The following ARL6IP6 variants were observed in gnomAD, a reference collection of about 807,000 sequenced individuals.
ARL6IP6 encodes ARF like GTPase 6 interacting protein 6, also known as ADP-ribosylation factor-like protein 6-interacting protein 6.
A neutral mutation model predicts 21.5 loss-of-function variants in ARL6IP6; 22 were observed. That is an observed-to-expected ratio of 1.02 (90% CI 0.73 to 1.46). The LOEUF is 1.46. ARL6IP6 is among the 40% of genes most tolerant of loss of function. The pLI is 0.00. For missense variants in ARL6IP6, 388 were observed against 299.8 expected (o/e 1.29, Z -2.17); for synonymous variants, 164 against 125.3 (o/e 1.31, Z -2.06).
At chr2:152,736,330 T>C (rs1181380935) in intron 3 of ARL6IP6, among the ~76,000 whole-genome samples, 1 of 152,226 alleles carries the variant, frequency 6.6e-6, no homozygotes, top group Non-Finnish European at 1.5e-5. Flanking sequence ...CTTTTATTTA[T>C]ATCTCACTTC....
At chr2:152,752,920 G>A (rs2105181767) in intron 3 of ARL6IP6, among the ~76,000 whole-genome samples, 1 of 152,058 alleles carries the variant, frequency 6.6e-6, no homozygotes, top group East Asian at 1.9e-4. Context: ...TAGGAAATTG[G>A]CCTTAGATTC....
chr2:152,738,143 A>G (rs373525921), intron 3 of ARL6IP6, among the ~76,000 whole-genome samples: 2 of 152,212 alleles, frequency 1.3e-5, no homozygotes, highest in South Asian at 2.1e-4. Flanking sequence ...TAAAGCTCCA[A>G]AATGATCTCC....
At chr2:152,748,443 CT>C (rs1213653605) in intron 3 of ARL6IP6, among the ~76,000 whole-genome samples, 7 of 152,116 alleles carry the variant, frequency 4.6e-5, no homozygotes, top group Non-Finnish European at 7.4e-5. Context: ...AGATAAAGAA[CT>C]AACTGATAGT....
chr2:152,755,696 TG>T (rs921380480), intron 3 of ARL6IP6, among the ~76,000 whole-genome samples: 2 of 152,194 alleles, frequency 1.3e-5, no homozygotes, highest in African/African-American at 4.8e-5. Flanking sequence ...CCTTTTGCTT[TG>T]TATCCAATAA....
intron 2 of ARL6IP6, 45 bp downstream of exon 2, chr2:152,720,631 G>A (rs1471701696): frequency 2.0e-6 from 3 of 1,534,868 alleles, no homozygotes; most frequent in South Asian, 1.1e-5. Flanking sequence ...GCTCACGTTT[G>A]TGTTTCTAGA....
Position 152,723,614 on chromosome 2 carries a change from A to T in ARL6IP6, c.454+3028A>T, listed in dbSNP as rs113067555. On this transcript the variant is annotated intron_variant, in intron 2 of 3. Coordinates refer to ENST00000326446, the MANE Select transcript of ARL6IP6 (RefSeq NM_152522.7). ...CTAGACAGACTGACAAAAATTTTGT[A>T]CACTGCAGAATTTAATTGCAATTTA... Among the ~76,000 whole-genome samples, 899 of 152,326 alleles carry T rather than the reference A, an allele frequency of 5.9e-3. 13 individuals carry two copies. The highest frequency in any genetic ancestry group is 0.02 in the African/African-American group (832 of 41,564).
chr2:152,733,382 A>G (rs973667939), intron 2 of ARL6IP6, among the ~76,000 whole-genome samples: 1 of 152,114 alleles, frequency 6.6e-6, no homozygotes, highest in Non-Finnish European at 1.5e-5. Context: ...CTCCTGCCTC[A>G]GTCTCCCAAG....
In ARL6IP6 at chr2:152,720,637, C is replaced by T. The variant is rs140585432; in HGVS notation, c.454+51C>T. 53 of 1,507,910 alleles carry T rather than the reference C, an allele frequency of 3.5e-5. No individual in the cohort carries two copies. The African/African-American group carries it at 3.9e-4, about 11-fold the overall frequency. The allele number at this position is 1,507,910 out of a possible 1,614,324, so 93.4% of individuals were successfully genotyped here. A position where few individuals can be genotyped will look rare whatever the true frequency, so the allele number is the denominator to read the frequency against. ...TGGTTTTGAGCTCACGTTTGTGTTT[C>T]TAGATCATGTTTGAACTAACTCTGG... On this transcript the variant is annotated intron_variant, in intron 2 of 3. Transcript: ENST00000326446.
chr2:152,734,953 G>A, intron 2 of ARL6IP6, 41 bp from the exon 3 acceptor site: 22 of 1,575,402 alleles, frequency 1.4e-5, no homozygotes, highest in Non-Finnish European at 1.9e-5. Context: ...AATTGTTTTG[G>A]TGTTAATAAT....
chr2:152,738,734 A>T (rs1328351951), intron 3 of ARL6IP6, among the ~76,000 whole-genome samples: 2 of 152,104 alleles, frequency 1.3e-5, no homozygotes, highest in African/African-American at 4.8e-5. Flanking sequence ...CCAGCTTGTG[A>T]TGGGAGAGGC....
chr2:152,719,536 G>A (rs1057315466), intron 1 of ARL6IP6, among the ~76,000 whole-genome samples: 2 of 152,064 alleles, frequency 1.3e-5, no homozygotes, highest in African/African-American at 4.8e-5. Context: ...TTTGTATCCA[G>A]GTGTAGTGCA....
intron 2 of ARL6IP6, among the ~76,000 whole-genome samples, chr2:152,732,204 TAA>T (rs1377902946): frequency 6.6e-6 from 1 of 151,990 alleles, no homozygotes; most frequent in Non-Finnish European, 1.5e-5. Context: ...TAAAGACATA[TAA>T]AGTTACTGGA....
chr2:152,750,879 A>T (rs965893638), intron 3 of ARL6IP6, among the ~76,000 whole-genome samples: 23 of 152,326 alleles, frequency 1.5e-4, no homozygotes, highest in African/African-American at 5.1e-4. Flanking sequence ...TTTCTTTGTG[A>T]ATTTGTTTTA....
chr2:152,745,522 A>G (rs370429932), intron 3 of ARL6IP6, among the ~76,000 whole-genome samples: 28 of 152,306 alleles, frequency 1.8e-4, no homozygotes, highest in Middle Eastern at 3.4e-3. Flanking sequence ...GTTAGTATTC[A>G]AATTAGAAAT....
At chr2:152,723,874 A>G (rs1699906972) in intron 2 of ARL6IP6, among the ~76,000 whole-genome samples, 1 of 152,204 alleles carries the variant, frequency 6.6e-6, no homozygotes, top group South Asian at 2.1e-4. Context: ...AGTAAAACTC[A>G]GTTTCATCCT....
At chr2:152,755,372 G>A (rs1226929329) in intron 3 of ARL6IP6, among the ~76,000 whole-genome samples, 4 of 151,954 alleles carry the variant, frequency 2.6e-5, no homozygotes, top group Admixed American at 1.3e-4. Flanking sequence ...CCTGACATCC[G>A]TCAGGCCCGC....
chr2:152,746,001 C>CTTTTTT (rs67760283), intron 3 of ARL6IP6, among the ~76,000 whole-genome samples: 685 of 66,284 alleles, frequency 0.01, 31 homozygotes, highest in Non-Finnish European at 0.013. Flanking sequence ...TGCTTTGTAC[C>CTTTTTT]TTTTTTTTTT....
chr2:152,720,366 A>G (rs1268788968), intron 1 of ARL6IP6, 167 bp from the exon 2 acceptor site: 1 of 660,102 alleles, frequency 1.5e-6, no homozygotes, highest in Non-Finnish European at 2.7e-6. Flanking sequence ...CAACACATTA[A>G]TTTGCTTGCT....
chr2:152,729,422 A>G (rs1700198444), intron 2 of ARL6IP6, among the ~76,000 whole-genome samples: 2 of 152,326 alleles, frequency 1.3e-5, no homozygotes, highest in Non-Finnish European at 1.5e-5. Context: ...GTAGAGAAGA[A>G]CGAAGGATGT....
Sources: gnomAD v4.1 joint callset for allele counts (sites outside exome capture counted in the v4.1 genomes callset) on GRCh38, gnomAD v4.1.1 for gene constraint, MANE v1.5 for transcripts, NCBI Gene and HGNC (gene_info 2026-07-23, HGNC 2026-07-21) for gene names.